Variants in SUSD6 observed in about 807,000 individuals in gnomAD.
SUSD6 encodes sushi domain-containing protein 6.
Under a neutral mutation model 28.4 loss-of-function variants are expected in SUSD6, and 16 were observed. The observed-to-expected ratio is 0.56, with a 90% CI of 0.38 to 0.86. The LOEUF (loss-of-function observed/expected upper bound fraction) is 0.86, where lower values mean the gene tolerates loss of function less well. SUSD6 is among the 40% of genes least tolerant of loss of function. SUSD6 has a pLI of 0.00. For synonymous variants in SUSD6, 147 were observed against 159.6 expected (o/e 0.92, Z 0.59); for missense variants, 341 against 384.2 (o/e 0.89, Z 0.94).
At chr14:69,630,017 AT>A in intron 1 of SUSD6, among the ~76,000 whole-genome samples, 1 of 152,330 alleles carries the variant, frequency 6.6e-6, no homozygotes, top group South Asian at 2.1e-4. Context: ...TTCTAAAGGT[AT>A]TAAGCTCTTG....
chr14:69,685,681 G>C (rs948895978), intron 2 of SUSD6, among the ~76,000 whole-genome samples: 1 of 152,170 alleles, frequency 6.6e-6, no homozygotes, highest in African/African-American at 2.4e-5. Context: ...AAGTGATTCC[G>C]GGCCTTTAGG....
chr14:69,657,716 G>T (rs910319130), intron 1 of SUSD6, among the ~76,000 whole-genome samples: 2 of 152,082 alleles, frequency 1.3e-5, no homozygotes, highest in Admixed American at 6.5e-5. Flanking sequence ...GTAATGTATC[G>T]TCAACCCATT....
At chr14:69,639,252 C>T (rs1341529658) in intron 1 of SUSD6, among the ~76,000 whole-genome samples, 4 of 122,038 alleles carry the variant, frequency 3.3e-5, no homozygotes, top group South Asian at 2.8e-4. Context: ...GGCGTGAACC[C>T]GGGAGGCGGA....
At chr14:69,615,707 T>C (rs1884950049) in intron 1 of SUSD6, 4 of 152,248 alleles carry the variant, frequency 2.6e-5, no homozygotes, top group Non-Finnish European at 4.4e-5. Flanking sequence ...AGGTACTGGA[T>C]ACAGCGACAG....
Position 69,713,015 on chromosome 14 carries a change from CA to C in SUSD6, c.*2040del. On this transcript the variant is annotated 3_prime_UTR_variant, in exon 6 of 6. Coordinates refer to ENST00000342745, the MANE Select transcript of SUSD6 (RefSeq NM_014734.4). Reference sequence around the variant, plus strand: ...CTTCCTCCAAAACAGAAAGCAGTGACAAAAGGGGGAGGGGTGGTAATCTGAA... The same window carrying C: ...CTTCCTCCAAAACAGAAAGCAGTGACAAAGGGGGAGGGGTGGTAATCTGAA... 6.6e-6 allele frequency: 1 copy of C among 152,386 alleles called. No homozygotes were observed. Among genetic ancestry groups the C allele is most frequent in the Non-Finnish European group, 1.5e-5 (1 of 68,110 alleles). 9.4% of individuals were successfully genotyped at this position (152,386 alleles called of 1,614,324 possible).
At chr14:69,679,072 G>T (rs1216596750) in intron 2 of SUSD6, among the ~76,000 whole-genome samples, 2 of 152,104 alleles carry the variant, frequency 1.3e-5, no homozygotes, top group African/African-American at 4.8e-5. Context: ...GTTAATTTTT[G>T]CCAGTTTGAT....
chr14:69,668,870 G>A (rs1047850920), intron 2 of SUSD6, among the ~76,000 whole-genome samples: 4 of 151,188 alleles, frequency 2.6e-5, no homozygotes, highest in African/African-American at 7.3e-5. Context: ...TCTCCCTTTC[G>A]TTCTCATTCT....
intron 1 of SUSD6, among the ~76,000 whole-genome samples, chr14:69,642,104 T>C (rs1885361390): frequency 1.3e-5 from 2 of 152,242 alleles, no homozygotes; most frequent in Admixed American, 6.5e-5. Context: ...TTTGCATGCC[T>C]GTTAATTTTT....
At chr14:69,651,806 G>C (rs1162292185) in intron 1 of SUSD6, among the ~76,000 whole-genome samples, 1 of 152,180 alleles carries the variant, frequency 6.6e-6, no homozygotes, top group African/African-American at 2.4e-5. Context: ...AGATGTTGCA[G>C]GGAAGAAAGA....
intron 2 of SUSD6, among the ~76,000 whole-genome samples, chr14:69,700,601 G>A (rs1886300010): frequency 6.6e-6 from 1 of 152,154 alleles, no homozygotes; most frequent in African/African-American, 2.4e-5. Flanking sequence ...CCACTTCAGT[G>A]CATTTACTTC....
intron 2 of SUSD6, among the ~76,000 whole-genome samples, chr14:69,664,608 C>G (rs563357790): frequency 1.3e-5 from 2 of 152,172 alleles, no homozygotes; most frequent in Non-Finnish European, 2.9e-5. Flanking sequence ...AAATTACCCT[C>G]TGCACACTAA....
intron 2 of SUSD6, chr14:69,670,318 A>C (rs1885810563): frequency 2.4e-6 from 1 of 409,320 alleles, no homozygotes; most frequent in African/African-American, 2.0e-5. Context: ...TTCCACAGGT[A>C]CTCGTTGAAT....
intron 2 of SUSD6, among the ~76,000 whole-genome samples, chr14:69,699,891 G>A (rs1303978347): frequency 6.6e-6 from 1 of 152,156 alleles, no homozygotes; most frequent in Non-Finnish European, 1.5e-5. Context: ...AGATGAGCTT[G>A]AGGAGACCAT....
rs747682968 is a variant in SUSD6, at chr14:69,703,590, A to G, written c.317A>G (p.Glu106Gly). The G allele has an allele frequency of 1.2e-6, 2 of 1,614,056 alleles. No homozygotes were observed. The highest frequency in any genetic ancestry group is 8.5e-7 in the Non-Finnish European group (1 of 1,179,932). Reference protein sequence around the residue: ...PAMEISCRLNEDKDTHTSLGV... With the variant: ...PAMEISCRLNGDKDTHTSLGV... ...ATGGAGATTAGCTGCCGTCTCAACG[A>G]GGGTCAGTCTGGCAGATGAAAAAGG... Residue 106 changes from glutamate (E) to glycine (G), a missense_variant and splice_region_variant, in exon 3 of 6, where the codon GAG becomes GGG. Transcript: ENST00000342745.
chr14:69,613,775 T>C (rs1595026596), intron 1 of SUSD6, among the ~76,000 whole-genome samples: 1 of 152,244 alleles, frequency 6.6e-6, no homozygotes, highest in Non-Finnish European at 1.5e-5. Context: ...AGTAATTTTT[T>C]GGATACTGTA....
intron 2 of SUSD6, among the ~76,000 whole-genome samples, chr14:69,686,565 ATTT>A (rs1218996852): frequency 2.6e-5 from 4 of 152,208 alleles, no homozygotes; most frequent in Admixed American, 2.6e-4. Flanking sequence ...AAAGAAAGAG[ATTT>A]AATTGGACTT....
chr14:69,686,318 GCTTT>G (rs968943464), intron 2 of SUSD6, among the ~76,000 whole-genome samples: 1 of 152,006 alleles, frequency 6.6e-6, no homozygotes, highest in African/African-American at 2.4e-5. Context: ...ATCTTTTTTG[GCTTT>G]CTGAGTTGAC....
At chr14:69,642,879 G>A (rs549526992) in intron 1 of SUSD6, among the ~76,000 whole-genome samples, 15 of 152,206 alleles carry the variant, frequency 9.9e-5, no homozygotes, top group African/African-American at 3.6e-4. Flanking sequence ...AACTCAAAGG[G>A]GTCCCTCTGC....
At chr14:69,658,387 G>A (rs77102062) in intron 1 of SUSD6, 126 bp from the exon 2 acceptor site, 31 of 577,978 alleles carry the variant, frequency 5.4e-5, no homozygotes, top group Non-Finnish European at 7.6e-5. Flanking sequence ...CCTGGCAGCA[G>A]GGATTCGAAT....
Sources: gnomAD v4.1 joint callset for allele counts (sites outside exome capture counted in the v4.1 genomes callset) on GRCh38, gnomAD v4.1.1 for gene constraint, MANE v1.5 for transcripts, NCBI Gene and HGNC (gene_info 2026-07-23, HGNC 2026-07-21) for gene names.